Variants in PPFIBP1 observed in about 807,000 individuals in gnomAD.
The protein encoded by PPFIBP1 is PPFIB scaffold protein 1.
Under a neutral mutation model 137.8 loss-of-function variants are expected in PPFIBP1, and 112 were observed. That is an observed-to-expected ratio of 0.81 (90% confidence interval 0.70 to 0.95). The LOEUF is 0.95. Among genes scored for constraint, PPFIBP1 ranks in the 40% least tolerant of loss-of-function variants. The pLI is 0.00. For synonymous variants in PPFIBP1, 378 were observed against 417.3 expected (o/e 0.91, Z 1.15); for missense variants, 1,083 against 1,196.6 (o/e 0.91, Z 1.40).
chr12:27,627,088 C>A (rs1286618206), intron 2 of PPFIBP1, among the ~76,000 whole-genome samples: 1 of 152,188 alleles, frequency 6.6e-6, no homozygotes, highest in Non-Finnish European at 1.5e-5. Context: ...CCTCAAGCAT[C>A]TGTCATTTCT....
chr12:27,618,181 A>T (rs1003471037), intron 2 of PPFIBP1, among the ~76,000 whole-genome samples: 1 of 152,252 alleles, frequency 6.6e-6, no homozygotes, highest in African/African-American at 2.4e-5. Context: ...TTTTGTTTTG[A>T]TGGATACAAA....
chr12:27,639,884 C>A (rs1333748262), intron 4 of PPFIBP1, among the ~76,000 whole-genome samples: 1 of 152,198 alleles, frequency 6.6e-6, no homozygotes, highest in Non-Finnish European at 1.5e-5. Flanking sequence ...GAGTCCCTGA[C>A]TCCCAGCCCC....
At chr12:27,677,255 C>T in intron 19 of PPFIBP1, 159 bp downstream of exon 19, 2 of 831,162 alleles carry the variant, frequency 2.4e-6, no homozygotes, top group East Asian at 2.6e-5. Context: ...CTAAAAAGGA[C>T]TCTGTAGAGG....
chr12:27,595,321 C>T (rs938851428), intron 2 of PPFIBP1, among the ~76,000 whole-genome samples: 3 of 152,222 alleles, frequency 2.0e-5, no homozygotes, highest in African/African-American at 7.2e-5. Context: ...TCACACCCTG[C>T]TCTGGTGGCT....
intron 1 of PPFIBP1, among the ~76,000 whole-genome samples, chr12:27,573,021 C>T (rs1248806541): frequency 6.6e-6 from 1 of 152,106 alleles, no homozygotes; most frequent in African/African-American, 2.4e-5. Context: ...GAAAACAAAG[C>T]TTTCTTGGAA....
intron 11 of PPFIBP1, among the ~76,000 whole-genome samples, chr12:27,663,274 C>T (rs1449991559): frequency 6.6e-6 from 1 of 152,134 alleles, no homozygotes; most frequent in Non-Finnish European, 1.5e-5. Context: ...CCAAAGCCAG[C>T]CACATGGCCA....
chr12:27,601,143 T>G (rs543330124), intron 2 of PPFIBP1, among the ~76,000 whole-genome samples: 2 of 152,272 alleles, frequency 1.3e-5, no homozygotes, highest in East Asian at 3.9e-4. Flanking sequence ...AAATGGTAAA[T>G]TTTATATGTA....
At chr12:27,648,050 T>C in intron 6 of PPFIBP1, 1 of 553,202 alleles carries the variant, frequency 1.8e-6, no homozygotes. Flanking sequence ...TGGAACAAAA[T>C]GTCAATAGGA....
At chr12:27,575,991 G>A (rs908226329) in intron 1 of PPFIBP1, among the ~76,000 whole-genome samples, 1 of 152,130 alleles carries the variant, frequency 6.6e-6, no homozygotes, top group Non-Finnish European at 1.5e-5. Context: ...GTTTATAAAT[G>A]TTTTTGTGTA....
At chr12:27,556,370 A>C (rs10842932) in intron 1 of PPFIBP1, among the ~76,000 whole-genome samples, 48,161 of 152,132 alleles carry the variant, frequency 0.32, 8,070 homozygotes, top group Middle Eastern at 0.46. Context: ...AACGTTTGTT[A>C]TCATAGAGTG....
At chr12:27,608,516 G>T (rs1471187386) in intron 2 of PPFIBP1, among the ~76,000 whole-genome samples, 1 of 152,044 alleles carries the variant, frequency 6.6e-6, no homozygotes, top group Non-Finnish European at 1.5e-5. Context: ...ACTATTTTCT[G>T]ATTGTACCAG....
At chr12:27,635,983 C>T (rs773143900) in intron 4 of PPFIBP1, 4 of 152,192 alleles carry the variant, frequency 2.6e-5, no homozygotes, top group Non-Finnish European at 5.9e-5. Flanking sequence ...CACTCATATG[C>T]TTATGAGTTA....
intron 1 of PPFIBP1, among the ~76,000 whole-genome samples, chr12:27,567,862 A>G (rs914752673): frequency 3.3e-5 from 5 of 152,150 alleles, no homozygotes; most frequent in Non-Finnish European, 7.4e-5. Flanking sequence ...GAAACCCAAG[A>G]TAAGTTTATA....
chr12:27,669,478 A>G lies in PPFIBP1; in HGVS notation c.1147-1953A>G, dbSNP rs183104298. ...GAATTGTAGTTTTAAGTTTGTAACAAGAATGGTTTGATGAGGGTTGAGGGA... is the reference window on the plus strand; with the variant it reads ...GAATTGTAGTTTTAAGTTTGTAACAGGAATGGTTTGATGAGGGTTGAGGGA... On this transcript the variant is annotated intron_variant, in intron 13 of 29. Transcript: ENST00000228425. Among the ~76,000 whole-genome samples the G allele has an allele frequency of 2.5e-3, 379 of 152,346 alleles. 2 individuals are homozygous for G. The highest frequency in any genetic ancestry group is 8.8e-3 in the African/African-American group (367 of 41,594).
intron 24 of PPFIBP1, among the ~76,000 whole-genome samples, chr12:27,686,230 T>G (rs983723339): frequency 6.6e-6 from 1 of 152,236 alleles, no homozygotes; most frequent in Non-Finnish European, 1.5e-5. Flanking sequence ...AATATTTTTA[T>G]TAAATATTTC....
chr12:27,625,986 T>TA (rs2056785795), intron 2 of PPFIBP1, among the ~76,000 whole-genome samples: 2 of 152,024 alleles, frequency 1.3e-5, no homozygotes, highest in African/African-American at 2.4e-5. Flanking sequence ...ACCCCATTTT[T>TA]TAAAAAAAGT....
At chr12:27,538,330 A>G (rs895687846) in intron 1 of PPFIBP1, 1 of 152,208 alleles carries the variant, frequency 6.6e-6, no homozygotes, top group Non-Finnish European at 1.5e-5. Context: ...TAACTGCTCA[A>G]GTACCAATTC....
chr12:27,651,804 G>A (rs1343118965), intron 7 of PPFIBP1, among the ~76,000 whole-genome samples: 2 of 152,192 alleles, frequency 1.3e-5, no homozygotes, highest in Non-Finnish European at 2.9e-5. Context: ...TGCAGTAGAT[G>A]TGTTACTTAT....
chr12:27,672,471 G>A lies in PPFIBP1; in HGVS notation c.1307G>A (p.Cys436Tyr). The A allele has an allele frequency of 6.2e-7, 1 of 1,607,002 alleles. No individual in the cohort carries two copies. Among genetic ancestry groups the A allele is most frequent in the Non-Finnish European group, 8.5e-7 (1 of 1,174,132 alleles). Residue 436 changes from cysteine to tyrosine, a missense_variant, in exon 15 of 30, where the codon TGT (cysteine) becomes TAT (tyrosine). Physicochemically the swap from Cys to Tyr is radical, Grantham distance 194. Coordinates refer to ENST00000228425, the MANE Select transcript of PPFIBP1 (RefSeq NM_003622.4). ...GGTGCCACTGTTGATACCCAACTGT[G>A]TGATAAACTTTTGTAAGTTACATTT... is the stretch of plus-strand genomic sequence containing the variant. Reference protein sequence around the residue: ...ILGATVDTQLCDKLLTSSLQK... With the variant: ...ILGATVDTQLYDKLLTSSLQK...
Sources: allele counts gnomAD v4.1 joint callset (sites outside exome capture counted in the v4.1 genomes callset), GRCh38; gene constraint gnomAD v4.1.1; transcripts MANE v1.5; gene names NCBI Gene and HGNC (gene_info 2026-07-23, HGNC 2026-07-21).